The following PTPRT variants were observed in gnomAD, a reference collection of about 807,000 sequenced individuals.
PTPRT encodes the protein protein tyrosine phosphatase receptor type T.
Under a neutral mutation model 176.8 loss-of-function variants are expected in PTPRT, and 56 were observed. The ratio of observed to expected loss-of-function variants is 0.32; its 90% confidence interval spans 0.26 to 0.40. The LOEUF is 0.40. Ranked by LOEUF, PTPRT falls within the 10% of genes least tolerant of loss-of-function variation. The probability of loss-of-function intolerance (pLI) is 1.00; values close to 1 mark genes in which losing one functional copy is unlikely to be tolerated. For missense variants in PTPRT, 1,540 were observed against 1,908.2 expected, an observed-to-expected ratio of 0.81 and a Z score of 3.60; for synonymous variants, 783 against 739.0, an observed-to-expected ratio of 1.06 and a Z score of -0.96.
chr20:42,113,011 G>A (rs113412208), intron 22 of PTPRT, among the ~76,000 whole-genome samples: 53 of 152,212 alleles, frequency 3.5e-4, no homozygotes, highest in East Asian at 2.5e-3. Flanking sequence ...TCCCCGATGC[G>A]TCTGTGCTGT....
intron 7 of PTPRT, among the ~76,000 whole-genome samples, chr20:42,614,548 T>TTC (rs3063133): frequency 0.21 from 31,799 of 151,702 alleles, 4,543 homozygotes; most frequent in African/African-American, 0.41. Flanking sequence ...CACCACCCCC[T>TTC]TCTATTCCCC....
At chr20:42,166,010 T>C (rs1312062805) in intron 16 of PTPRT, among the ~76,000 whole-genome samples, 1 of 152,266 alleles carries the variant, frequency 6.6e-6, no homozygotes, top group Non-Finnish European at 1.5e-5. Context: ...TTATTAATGC[T>C]ATATTTTTAC....
intron 1 of PTPRT, among the ~76,000 whole-genome samples, chr20:42,928,940 A>G (rs190422869): frequency 2.6e-5 from 4 of 152,334 alleles, no homozygotes; most frequent in Admixed American, 2.0e-4. Flanking sequence ...TACCAGTGAC[A>G]TTGTCTGGAT....
rs1371685085 is a variant in PTPRT, at chr20:42,074,240, G to A, written c.*6639C>T. 2.2e-5 allele frequency: 5 copies of A among 228,232 alleles called. No individual in the cohort carries two copies. Among genetic ancestry groups the A allele is most frequent in the Non-Finnish European group, 1.7e-5 (2 of 114,926 alleles). 14.1% of individuals were successfully genotyped at this position (228,232 alleles called of 1,614,324 possible). A position where few individuals can be genotyped will look rare whatever the true frequency, so the allele number is the denominator to read the frequency against. On this transcript the variant is annotated 3_prime_UTR_variant, in exon 31 of 31. Transcript: ENST00000373187. Reference sequence around the variant, plus strand: ...GAGATACAGGGACAGGGTGGACACTGAGAGTTTGTTGGACCATCATAGAGA... The same window carrying A: ...GAGATACAGGGACAGGGTGGACACTAAGAGTTTGTTGGACCATCATAGAGA...
Position 42,948,494 on chromosome 20 carries a change from C to T in PTPRT, c.89-62562G>A, listed in dbSNP as rs144004253. Among the ~76,000 whole-genome samples, 394 of 152,168 alleles carry T rather than the reference C, an allele frequency of 2.6e-3. 1 individual carries two copies. The highest frequency in any genetic ancestry group is 8.3e-3 in the South Asian group (40 of 4,824). ...CCAATACAAGCCAATGTAAGTGTGG[C>T]CCAGGATTTGAATGGTTGGTGATGA... On this transcript the variant is annotated intron_variant, in intron 1 of 30. Coordinates refer to ENST00000373187, the MANE Select transcript of PTPRT (RefSeq NM_007050.6).
intron 7 of PTPRT, among the ~76,000 whole-genome samples, chr20:42,648,615 C>T (rs887978709): frequency 1.3e-5 from 2 of 152,050 alleles, no homozygotes; most frequent in Non-Finnish European, 2.9e-5. Context: ...GAGGCCCCTG[C>T]GTGTCTAGCG....
At chr20:42,186,812 A>G (rs1435097059) in intron 16 of PTPRT, among the ~76,000 whole-genome samples, 1 of 152,120 alleles carries the variant, frequency 6.6e-6, no homozygotes, top group Non-Finnish European at 1.5e-5. Flanking sequence ...GATGATGATG[A>G]CTTGGACAAG....
At chr20:42,656,974 T>A (rs2075135797) in intron 7 of PTPRT, among the ~76,000 whole-genome samples, 1 of 152,064 alleles carries the variant, frequency 6.6e-6, no homozygotes, top group Non-Finnish European at 1.5e-5. Context: ...CACCCAAATA[T>A]CATCTTGAAT....
chr20:42,568,739 T>C (rs908910018), intron 7 of PTPRT, among the ~76,000 whole-genome samples: 24 of 152,092 alleles, frequency 1.6e-4, no homozygotes, highest in African/African-American at 5.8e-4. Flanking sequence ...TCAACTGTCC[T>C]GGATTCATCT....
intron 7 of PTPRT, among the ~76,000 whole-genome samples, chr20:42,515,724 A>G (rs1601170720): frequency 2.6e-5 from 4 of 152,314 alleles, no homozygotes; most frequent in Admixed American, 2.6e-4. Context: ...CAGATCAAGA[A>G]TGAACACATC....
chr20:42,461,430 G>A (rs560099366), intron 8 of PTPRT, among the ~76,000 whole-genome samples: 1 of 152,208 alleles, frequency 6.6e-6, no homozygotes, highest in Non-Finnish European at 1.5e-5. Flanking sequence ...CTAGCTACTG[G>A]AGAGGGTGAG....
At chr20:42,600,919 G>T (rs925373098) in intron 7 of PTPRT, among the ~76,000 whole-genome samples, 3 of 152,124 alleles carry the variant, frequency 2.0e-5, no homozygotes, top group Non-Finnish European at 4.4e-5. Flanking sequence ...AGGAATATGT[G>T]AGTACACCTC....
Position 43,189,678 on chromosome 20 carries a change from G to T in PTPRT, c.56C>A (p.Pro19Gln). The T allele has an allele frequency of 7.6e-7, 1 of 1,319,490 alleles. No individual in the cohort carries two copies. The highest frequency in any genetic ancestry group is 2.0e-5 in the South Asian group (1 of 49,664). The allele number at this position is 1,319,490 out of a possible 1,614,324, so 81.7% of individuals were successfully genotyped here. ...LSLLLRLQLP[P>Q]LPGARAQSAA... Reference sequence around the variant, plus strand: ...GCTCTGAGCCCGGGCGCCGGGCAGTGGCGGCAGCTGCAGCCTCAGGAGCAG... The same window carrying T: ...GCTCTGAGCCCGGGCGCCGGGCAGTTGCGGCAGCTGCAGCCTCAGGAGCAG... Residue 19 changes from proline (P) to glutamine (Q), a missense_variant, in exon 1 of 31, where the codon CCA becomes CAA. Pro to Gln is a moderately conservative substitution (Grantham distance 76, BLOSUM62 -1). This residue lies in a region of PTPRT where 116 missense variants were observed against 118.5 expected (regional missense o/e 0.98). Transcript: ENST00000373187. The surrounding 1 kb of genome is among the most constrained non-coding windows in gnomAD (Gnocchi z 5.0).
At chr20:42,427,478 T>G (rs1367952834) in intron 9 of PTPRT, among the ~76,000 whole-genome samples, 2 of 151,598 alleles carry the variant, frequency 1.3e-5, no homozygotes, top group Admixed American at 6.6e-5. Flanking sequence ...GCAGATTCAG[T>G]GTCTAGTGAG....
chr20:42,459,745 C>T (rs1271291791), intron 8 of PTPRT, among the ~76,000 whole-genome samples: 1 of 152,124 alleles, frequency 6.6e-6, no homozygotes, highest in African/African-American at 2.4e-5. Context: ...GCCTGGAGTG[C>T]AGTGGTACAA....
intron 5 of PTPRT, among the ~76,000 whole-genome samples, chr20:42,763,276 C>T (rs899757123): frequency 4.6e-5 from 7 of 152,154 alleles, no homozygotes; most frequent in African/African-American, 7.2e-5. Context: ...GTCATTATTT[C>T]AGAAAGAGCA....
At chr20:42,718,354 G>A (rs542279450) in intron 6 of PTPRT, among the ~76,000 whole-genome samples, 14 of 152,088 alleles carry the variant, frequency 9.2e-5, no homozygotes, top group Non-Finnish European at 1.8e-4. Flanking sequence ...TGGCTAACAC[G>A]GTGAAACCCC....
intron 9 of PTPRT, among the ~76,000 whole-genome samples, chr20:42,439,005 C>A (rs1301958650): frequency 1.3e-5 from 2 of 152,226 alleles, no homozygotes; most frequent in Non-Finnish European, 2.9e-5. Flanking sequence ...TCCTTCCAGA[C>A]TCTGAGTGCC....
At chr20:42,608,587 A>C (rs1209943042) in intron 7 of PTPRT, among the ~76,000 whole-genome samples, 1 of 152,152 alleles carries the variant, frequency 6.6e-6, no homozygotes, top group African/African-American at 2.4e-5. Context: ...AAATGGGAAG[A>C]CTGGAACAGC....
Sources: gnomAD v4.1 joint callset for allele counts (sites outside exome capture counted in the v4.1 genomes callset) on GRCh38, gnomAD v4.1.1 for gene constraint, gnomAD v4.1.1 regional missense constraint, Gnocchi (gnomAD v3.1) non-coding constraint, MANE v1.5 for transcripts, NCBI Gene and HGNC (gene_info 2026-07-23, HGNC 2026-07-21) for gene names.